Variants in GATAD2A observed in about 807,000 individuals in gnomAD.
The protein encoded by GATAD2A is transcriptional repressor p66-alpha.
A neutral mutation model predicts 68.5 loss-of-function variants in GATAD2A; 12 were observed. The observed-to-expected ratio is 0.18, with a 90% CI of 0.11 to 0.28. The LOEUF is 0.28. Ranked by LOEUF, GATAD2A falls within the 10% of genes least tolerant of loss-of-function variation. GATAD2A has a pLI of 1.00. For synonymous variants in GATAD2A, 410 were observed against 375.3 expected (o/e 1.09, Z -1.07); for missense variants, 755 against 868.5 (o/e 0.87, Z 1.64).
At chr19:19,392,545 C>T (rs183522612) in intron 1 of GATAD2A, among the ~76,000 whole-genome samples, 76 of 151,688 alleles carry the variant, frequency 5.0e-4, no homozygotes, top group Admixed American at 1.1e-3. Context: ...GCACCCACCA[C>T]CATGCCTGGC....
At chr19:19,470,993 C>T (rs561140572) in intron 2 of GATAD2A, among the ~76,000 whole-genome samples, 13 of 152,170 alleles carry the variant, frequency 8.5e-5, no homozygotes, top group Non-Finnish European at 1.6e-4. Context: ...CAGTGGCTCA[C>T]GCCTGTAATC....
At chr19:19,417,525 G>A (rs1187336376) in intron 1 of GATAD2A, among the ~76,000 whole-genome samples, 1 of 152,086 alleles carries the variant, frequency 6.6e-6, no homozygotes, top group Non-Finnish European at 1.5e-5. Context: ...TGCGGGGGGT[G>A]GAGTTGGCCA....
At chr19:19,496,538 A>G (rs557859293) in intron 7 of GATAD2A, among the ~76,000 whole-genome samples, 2 of 152,372 alleles carry the variant, frequency 1.3e-5, no homozygotes, top group South Asian at 4.1e-4. Context: ...TGTGGCACAC[A>G]GCAGGTTTAG....
At chr19:19,464,483 C>T (rs1254523104) in intron 1 of GATAD2A, among the ~76,000 whole-genome samples, 4 of 152,218 alleles carry the variant, frequency 2.6e-5, no homozygotes, top group Non-Finnish European at 4.4e-5. Context: ...ACAGACATCG[C>T]TGTGCTGTCG....
At chr19:19,423,549 G>A (rs916924485) in intron 1 of GATAD2A, among the ~76,000 whole-genome samples, 2 of 152,246 alleles carry the variant, frequency 1.3e-5, no homozygotes, top group Non-Finnish European at 2.9e-5. Flanking sequence ...AGCTGACCAC[G>A]TGGCCTTAGC....
chr19:19,405,384 C>A (rs1034264306), upstream of GATAD2A, among the ~76,000 whole-genome samples: 2 of 152,230 alleles, frequency 1.3e-5, no homozygotes, highest in Non-Finnish European at 2.9e-5. Context: ...GCAGTGAGCG[C>A]GTCGTGAGTC....
At chr19:19,400,985 A>G (rs2049672552), upstream of GATAD2A, among the ~76,000 whole-genome samples, 3 of 151,960 alleles carry the variant, frequency 2.0e-5, no homozygotes, top group Admixed American at 2.0e-4. Flanking sequence ...TACTAAAAAT[A>G]CAAAAATTAG....
rs903027705 is a variant in GATAD2A, at chr19:19,474,068, G to C, written c.269+8454G>C. The stretch of plus-strand genomic sequence containing the variant: ...ACCCAGTTGTCCAGAACGTGGGAGT[G>C]TGGACGGCTTTGTTTTGTTCTGTGC... On this transcript the variant is annotated intron_variant, in intron 2 of 11. Coordinates refer to ENST00000683918, the MANE Select transcript of GATAD2A (RefSeq NM_001384528.1). 1.9e-4 allele frequency: 191 copies of C among 985,014 alleles called. No individual in the cohort carries two copies. In the Middle Eastern group the frequency reaches 6.8e-3, roughly 35 times the overall value. The allele number at this position is 985,014 out of a possible 1,614,324, so 61.0% of individuals were successfully genotyped here. A position where few individuals can be genotyped will look rare whatever the true frequency, so the allele number is the denominator to read the frequency against.
In GATAD2A at chr19:19,508,565, C is replaced by A. The variant is rs1216011063; in HGVS notation, c.*3091C>A. 2.0e-5 allele frequency: 3 copies of A among 152,226 alleles called. No homozygotes were observed. The highest frequency in any genetic ancestry group is 4.4e-5 in the Non-Finnish European group (3 of 68,042). The allele number at this position is 152,226 out of a possible 1,614,324, so 9.4% of individuals were successfully genotyped here. A position where few individuals can be genotyped will look rare whatever the true frequency, so the allele number is the denominator to read the frequency against. ...GACTTCTCTATACAAATATTCTCATCACAGAAGGGATGATCCTTGCTGCTC... is the reference window on the plus strand; with the variant it reads ...GACTTCTCTATACAAATATTCTCATAACAGAAGGGATGATCCTTGCTGCTC... On this transcript the variant is annotated 3_prime_UTR_variant, in exon 12 of 12. Transcript: ENST00000683918.
intron 1 of GATAD2A, among the ~76,000 whole-genome samples, chr19:19,454,557 A>C (rs1437819011): frequency 6.6e-6 from 1 of 151,290 alleles, no homozygotes; most frequent in African/African-American, 2.4e-5. Flanking sequence ...TGAGATGGAG[A>C]CATTGCCCCC....
At chr19:19,463,258 C>T (rs140307263) in intron 1 of GATAD2A, among the ~76,000 whole-genome samples, 5 of 152,186 alleles carry the variant, frequency 3.3e-5, no homozygotes, top group Admixed American at 2.0e-4. Context: ...AGGGGACCCA[C>T]ACTCTGAGGG....
intron 2 of GATAD2A, among the ~76,000 whole-genome samples, chr19:19,478,750 C>T (rs1376833405): frequency 6.6e-6 from 1 of 151,030 alleles, no homozygotes; most frequent in East Asian, 1.9e-4. Context: ...GCAGAGGCTG[C>T]AGTCAGTTGA....
chr19:19,391,292 T>G (rs2048827928), intron 1 of GATAD2A, among the ~76,000 whole-genome samples: 1 of 152,200 alleles, frequency 6.6e-6, no homozygotes, highest in South Asian at 2.1e-4. Flanking sequence ...TGGGTTTTTT[T>G]GTTTGTTTTC....
intron 2 of GATAD2A, among the ~76,000 whole-genome samples, chr19:19,491,620 T>C (rs1047004082): frequency 1.3e-5 from 2 of 152,196 alleles, no homozygotes; most frequent in African/African-American, 4.8e-5. Flanking sequence ...TGAGAGAACT[T>C]GTGTCCTAGT....
intron 1 of GATAD2A, among the ~76,000 whole-genome samples, chr19:19,456,700 A>G (rs1192507970): frequency 6.6e-6 from 1 of 152,194 alleles, no homozygotes; most frequent in Non-Finnish European, 1.5e-5. Flanking sequence ...CTCATTCGTG[A>G]CAGTAAAGTC....
intron 1 of GATAD2A, among the ~76,000 whole-genome samples, chr19:19,395,192 C>T (rs2049136294): frequency 6.6e-6 from 1 of 152,210 alleles, no homozygotes; most frequent in Non-Finnish European, 1.5e-5. Context: ...CGGTGGCTCA[C>T]GCCTGTAATC....
intron 1 of GATAD2A, among the ~76,000 whole-genome samples, chr19:19,424,487 C>T (rs191684463): frequency 1.1e-4 from 17 of 152,244 alleles, no homozygotes; most frequent in Admixed American, 3.9e-4. Context: ...CCCTCAGCCT[C>T]CCAAAGCGCT....
chr19:19,462,251 G>GAGGAGCC (rs1470434815), intron 1 of GATAD2A, among the ~76,000 whole-genome samples: 1 of 152,206 alleles, frequency 6.6e-6, no homozygotes, highest in Non-Finnish European at 1.5e-5. Context: ...TTCGAGGAGG[G>GAGGAGCC]AGGAGCCACT....
chr19:19,402,913 C>T (rs1462752704), upstream of GATAD2A, among the ~76,000 whole-genome samples: 1 of 151,590 alleles, frequency 6.6e-6, no homozygotes, highest in African/African-American at 2.4e-5. Context: ...GCTGGGATTA[C>T]AGGCGTGCAC....
Sources: allele counts gnomAD v4.1 joint callset (sites outside exome capture counted in the v4.1 genomes callset), GRCh38; gene constraint gnomAD v4.1.1; transcripts MANE v1.5; gene names NCBI Gene and HGNC (gene_info 2026-07-23, HGNC 2026-07-21).